AGT: variants seen among roughly 807,000 people sequenced by gnomAD.
AGT encodes the protein angiotensinogen.
AGT carries 26 observed loss-of-function variants against 28.1 expected under a neutral mutation model. That is an observed-to-expected ratio of 0.92 (90% CI 0.68 to 1.28). AGT has a LOEUF of 1.28. Among genes scored for constraint, AGT ranks in the 50% most tolerant of loss-of-function variants. The pLI is 0.00. For synonymous variants in AGT, 259 were observed against 259.6 expected (o/e 1.00, Z 0.02); for missense variants, 596 against 592.3 (o/e 1.01, Z -0.06).
chr1:230,738,147 C>T (rs1664186416), intron 1 of AGT, among the ~76,000 whole-genome samples: 1 of 152,186 alleles, frequency 6.6e-6, no homozygotes, highest in African/African-American at 2.4e-5. Flanking sequence ...ATGAATAAGG[C>T]TGTTGTAAGC....
intron 1 of AGT, among the ~76,000 whole-genome samples, chr1:230,734,961 A>G (rs954124756): frequency 1.3e-5 from 2 of 151,824 alleles, no homozygotes; most frequent in South Asian, 2.1e-4. Context: ...TGATCTGCCC[A>G]CCTTGGCCTC....
chr1:230,733,989 T>G (rs886828284), intron 1 of AGT, among the ~76,000 whole-genome samples: 2 of 152,182 alleles, frequency 1.3e-5, no homozygotes, highest in African/African-American at 4.8e-5. Flanking sequence ...CTCAAGCTTC[T>G]TGAAGCTTCT....
At chr1:230,737,007 G>A (rs1438846380) in intron 1 of AGT, among the ~76,000 whole-genome samples, 1 of 152,162 alleles carries the variant, frequency 6.6e-6, no homozygotes, top group Non-Finnish European at 1.5e-5. Flanking sequence ...CTGGAATCTG[G>A]AGCACAGAGG....
Position 230,710,455 on chromosome 1 carries a change from G to A in AGT, c.369C>T (p.Thr123=), listed in dbSNP as rs201189192. The change falls in exon 2 of 5, where the codon ACC becomes ACT. Residue 123 remains threonine, a synonymous_variant. Coordinates refer to ENST00000366667, the MANE Select transcript of AGT (RefSeq NM_001384479.1). The part of the protein sequence containing the change: ...SELWGVVHGA[T]VLSPTAVFGT... Reference sequence around the variant, plus strand: ...CAAAGACAGCCGTTGGGGAGAGGACGGTGGCCCCATGGACCACGCCCCATA... The same window carrying A: ...CAAAGACAGCCGTTGGGGAGAGGACAGTGGCCCCATGGACCACGCCCCATA... 2.3e-5 allele frequency: 37 copies of A among 1,614,204 alleles called. No individual in the cohort carries two copies. The Admixed American group carries it at 4.2e-4, about 18-fold the overall frequency.
chr1:230,707,308 G>A (rs1227124279), intron 2 of AGT, among the ~76,000 whole-genome samples: 1 of 152,208 alleles, frequency 6.6e-6, no homozygotes, highest in Non-Finnish European at 1.5e-5. Flanking sequence ...GGCCTATTCT[G>A]CGGTTGTTCT....
At chr1:230,726,903 T>C (rs2182575) in intron 1 of AGT, among the ~76,000 whole-genome samples, 24,706 of 152,146 alleles carry the variant, frequency 0.16, 2,650 homozygotes, top group East Asian at 0.49. Flanking sequence ...TCTCATATCT[T>C]CCAATGCTTC....
At chr1:230,745,171 C>A (rs1438659259) in intron 1 of AGT, among the ~76,000 whole-genome samples, 1 of 152,172 alleles carries the variant, frequency 6.6e-6, no homozygotes, top group African/African-American at 2.4e-5. Context: ...AGATGCCTTG[C>A]AAGTTGAGGC....
At chr1:230,715,579 C>T (rs1441771526), upstream of AGT, among the ~76,000 whole-genome samples, 3 of 152,118 alleles carry the variant, frequency 2.0e-5, no homozygotes, top group Non-Finnish European at 2.9e-5. Flanking sequence ...CTCCTGCCTG[C>T]GAATGGGTTA....
intron 1 of AGT, among the ~76,000 whole-genome samples, chr1:230,730,497 G>C (rs1664033825): frequency 2.0e-5 from 3 of 152,210 alleles, no homozygotes; most frequent in Middle Eastern, 6.8e-3. Flanking sequence ...CTCGCTTTGG[G>C]TTTCATGTAT....
rs543021308 is a variant in AGT at position 230,737,306 on chromosome 1, TTTA to T, written c.-31+8206_-31+8208del. ...TACTAAGAATAATACTTAGAAATTGTTTATTATTATTATTATTATTTTGAGATG... is the reference window on the plus strand; with the variant it reads ...TACTAAGAATAATACTTAGAAATTGTTTATTATTATTATTATTTTGAGATG... On this transcript the variant is annotated intron_variant, in intron 1 of 4. Coordinates refer to the AGT transcript ENST00000681269. Among the ~76,000 whole-genome samples, 21 of 151,770 alleles carry T rather than the reference TTTA, an allele frequency of 1.4e-4. 1 individual carries two copies. In the South Asian group the frequency reaches 3.6e-3, roughly 26 times the overall value.
chr1:230,721,017 A>G (rs1197853555), intron 1 of AGT, among the ~76,000 whole-genome samples: 1 of 152,240 alleles, frequency 6.6e-6, no homozygotes, highest in African/African-American at 2.4e-5. Flanking sequence ...AGGCACCTCC[A>G]GGGACAGGTA....
Position 230,703,187 on chromosome 1 carries a change from G to A in AGT, c.1385C>T (p.Ala462Val), listed in dbSNP as rs754090374. ...LFAVYDQSAT[A>V]LHFLGRVANP... is the part of the protein sequence containing the mutation. ...GGCCACGCGGCCCAGGAAGTGCAGGGCAGTGGCGCTTTGATCATACACAGC... is the reference window on the plus strand; with the variant it reads ...GGCCACGCGGCCCAGGAAGTGCAGGACAGTGGCGCTTTGATCATACACAGC... Residue 462 changes from alanine to valine, a missense_variant, in exon 5 of 5, where the codon GCC (alanine) becomes GTC (valine). By Grantham distance (64) the Ala-to-Val change is moderately conservative. Transcript: ENST00000366667. The A allele has an allele frequency of 1.2e-6, 2 of 1,614,184 alleles. No individual in the cohort carries two copies. The highest frequency in any genetic ancestry group is 1.1e-5 in the South Asian group (1 of 91,086).
At chr1:230,733,584 C>T (rs754992017) in intron 1 of AGT, among the ~76,000 whole-genome samples, 16 of 152,266 alleles carry the variant, frequency 1.1e-4, no homozygotes, top group South Asian at 4.1e-4. Context: ...TAACAAGTCA[C>T]GCCAAAATGT....
At chr1:230,740,005 T>C (rs1032799468) in intron 1 of AGT, among the ~76,000 whole-genome samples, 1 of 152,088 alleles carries the variant, frequency 6.6e-6, no homozygotes, top group Non-Finnish European at 1.5e-5. Context: ...CTCAACTGAG[T>C]ATACTTAGGG....
intron 2 of AGT, among the ~76,000 whole-genome samples, chr1:230,706,772 A>T (rs920347342): frequency 1.3e-5 from 2 of 152,074 alleles, no homozygotes; most frequent in Admixed American, 6.5e-5. Flanking sequence ...CTCAAAGTTG[A>T]TAGTTTTCTT....
intron 1 of AGT, among the ~76,000 whole-genome samples, chr1:230,722,098 G>T (rs1389521283): frequency 6.6e-6 from 1 of 151,876 alleles, no homozygotes; most frequent in Non-Finnish European, 1.5e-5. Context: ...GCAGCCTCTG[G>T]ACTTGGTGTC....
In AGT at chr1:230,704,350, T is replaced by C. The variant is rs1926723; in HGVS notation, c.1098-13A>G. On this transcript the variant is annotated splice_polypyrimidine_tract_variant and intron_variant, in intron 3 of 4. Transcript: ENST00000366667. ...CAGGTGGATGGTCCTGGGGAGATGA[T>C]GCACAGTTAGGAAGGCTCCAGGCCA... is the stretch of plus-strand genomic sequence containing the variant. 141,730 of 1,613,506 alleles carry C rather than the reference T, an allele frequency of 0.088. 8,470 individuals carry two copies. Among genetic ancestry groups the C allele is most frequent in the East Asian group, 0.33 (14,829 of 44,838 alleles).
Position 230,720,196 on chromosome 1 carries a change from C to T in AGT, c.-30-9343G>A, listed in dbSNP as rs566389921. Among the ~76,000 whole-genome samples the T allele has an allele frequency of 2.0e-5, 3 of 152,252 alleles. No individual in the cohort carries two copies. The South Asian group carries it at 6.2e-4, about 32-fold the overall frequency. On this transcript the variant is annotated intron_variant, in intron 1 of 4. Transcript: ENST00000681269. ...ATTCGGGCCGTGACTTCACCAAGCT[C>T]ACTGTGTGCAAACTCCAGTTGGCCA...
intron 1 of AGT, among the ~76,000 whole-genome samples, chr1:230,731,335 C>G (rs986293766): frequency 6.6e-6 from 1 of 152,228 alleles, no homozygotes; most frequent in Non-Finnish European, 1.5e-5. Flanking sequence ...CCTCCAGCCC[C>G]CTTCCATCTG....
Sources: gnomAD v4.1 joint callset for allele counts (sites outside exome capture counted in the v4.1 genomes callset) on GRCh38, gnomAD v4.1.1 for gene constraint, MANE v1.5 for transcripts, NCBI Gene and HGNC (gene_info 2026-07-23, HGNC 2026-07-21) for gene names.